Variants in GOLGA5 observed in about 807,000 individuals in gnomAD.
The protein encoded by GOLGA5 is golgin subfamily A member 5.
GOLGA5 carries 50 observed loss-of-function variants against 93.5 expected under a neutral mutation model. That is an observed-to-expected ratio of 0.53 (90% confidence interval 0.43 to 0.68). The LOEUF is 0.68. Among genes scored for constraint, GOLGA5 ranks in the 30% least tolerant of loss-of-function variants. The pLI is 0.00. For missense variants in GOLGA5, 760 were observed against 856.4 expected, an observed-to-expected ratio of 0.89 and a Z score of 1.40; for synonymous variants, 312 against 304.5, an observed-to-expected ratio of 1.02 and a Z score of -0.26.
chr14:92,828,326 G>A (rs1322798629), intron 9 of GOLGA5, among the ~76,000 whole-genome samples: 1 of 152,304 alleles, frequency 6.6e-6, no homozygotes, highest in Admixed American at 6.5e-5. Flanking sequence ...AGACCCTTAA[G>A]AATGATGGTA....
At chr14:92,818,343 T>C (rs1002532544) in intron 7 of GOLGA5, among the ~76,000 whole-genome samples, 1 of 152,224 alleles carries the variant, frequency 6.6e-6, no homozygotes, top group African/African-American at 2.4e-5. Context: ...ACCATAACTC[T>C]GTGAGGGAGA....
At chr14:92,794,613 A>T (rs1322185892) in intron 1 of GOLGA5, among the ~76,000 whole-genome samples, 157 bp downstream of exon 1, 1 of 151,236 alleles carries the variant, frequency 6.6e-6, no homozygotes, top group African/African-American at 2.4e-5. Flanking sequence ...AACTGGAGAG[A>T]CTCCTTGGGC....
At chr14:92,800,141 A>T (rs1242607178) in intron 2 of GOLGA5, among the ~76,000 whole-genome samples, 1 of 152,246 alleles carries the variant, frequency 6.6e-6, no homozygotes, top group African/African-American at 2.4e-5. Flanking sequence ...AATTACACAA[A>T]GAACCTACTA....
intron 7 of GOLGA5, among the ~76,000 whole-genome samples, chr14:92,816,758 C>T (rs1376829736): frequency 2.0e-5 from 3 of 152,228 alleles, no homozygotes; most frequent in Non-Finnish European, 2.9e-5. Flanking sequence ...CAGGGTATCC[C>T]TGTGTTGTCC....
chr14:92,797,563 T>C lies in GOLGA5; in HGVS notation c.126T>C (p.Tyr42=), dbSNP rs143536819. ...ASNIYSKNTD[Y]TELHQQNTDL... is the part of the protein sequence containing the mutation. ...ACATATATAGCAAAAATACTGACTA[T>C]ACTGAACTTCACCAGCAAAATACAG... The change falls in exon 2 of 13, where the codon TAT becomes TAC. Residue 42 remains tyrosine, a synonymous_variant. Coordinates refer to ENST00000163416, the MANE Select transcript of GOLGA5 (RefSeq NM_005113.4). 268 of 1,613,478 alleles carry C rather than the reference T, an allele frequency of 1.7e-4. No individual in the cohort carries two copies. The African/African-American group carries it at 3.1e-3, about 18-fold the overall frequency.
chr14:92,835,869 TATC>T (rs1224661238), intron 11 of GOLGA5, among the ~76,000 whole-genome samples: 1 of 152,210 alleles, frequency 6.6e-6, no homozygotes, highest in Non-Finnish European at 1.5e-5. Context: ...ATATTTGAAA[TATC>T]ATGTCAGAAA....
chr14:92,817,346 T>C (rs1885231770), intron 7 of GOLGA5, among the ~76,000 whole-genome samples: 1 of 152,226 alleles, frequency 6.6e-6, no homozygotes, highest in Non-Finnish European at 1.5e-5. Flanking sequence ...GGTTTGGAAT[T>C]AGAACAGGGT....
intron 7 of GOLGA5, among the ~76,000 whole-genome samples, 183 bp from the exon 8 acceptor site, chr14:92,819,525 G>A (rs1352040058): frequency 1.3e-5 from 2 of 151,668 alleles, no homozygotes; most frequent in South Asian, 2.1e-4. Context: ...CCCGCTACTC[G>A]GGAGGCTGAT....
intron 7 of GOLGA5, among the ~76,000 whole-genome samples, chr14:92,818,705 A>C (rs532897366): frequency 7.2e-5 from 11 of 152,226 alleles, no homozygotes; most frequent in Non-Finnish European, 1.6e-4. Flanking sequence ...GTGAAGTTCC[A>C]AGGTTTGTGG....
chr14:92,825,593 G>C (rs1337289492), intron 9 of GOLGA5, among the ~76,000 whole-genome samples: 1 of 152,198 alleles, frequency 6.6e-6, no homozygotes, highest in Non-Finnish European at 1.5e-5. Context: ...AGGTGAGGTA[G>C]TTCATGCTTG....
chr14:92,802,278 C>T (rs1884889405), intron 2 of GOLGA5, among the ~76,000 whole-genome samples: 1 of 152,042 alleles, frequency 6.6e-6, no homozygotes, highest in Non-Finnish European at 1.5e-5. Context: ...TTTTTTGAAA[C>T]AATTATATGT....
chr14:92,815,664 G>A (rs1423479261), intron 6 of GOLGA5, among the ~76,000 whole-genome samples: 1 of 149,222 alleles, frequency 6.7e-6, no homozygotes. Context: ...TAGCAAGACC[G>A]TATCTCAAAT....
In GOLGA5 at chr14:92,837,376, G is replaced by A. The variant is rs1463297231; in HGVS notation, c.2052-10G>A. Reference sequence around the variant, plus strand: ...TCTCTCCTCTCCCCCTCACACCTGTGTCTGCACAGTATTCGCCTGGGAATT... The same window carrying A: ...TCTCTCCTCTCCCCCTCACACCTGTATCTGCACAGTATTCGCCTGGGAATT... On this transcript the variant is annotated splice_polypyrimidine_tract_variant and intron_variant, in intron 11 of 12. Coordinates refer to ENST00000163416, the MANE Select transcript of GOLGA5 (RefSeq NM_005113.4). 8 of 1,464,468 alleles carry A rather than the reference G, an allele frequency of 5.5e-6. No individual in the cohort carries two copies. Among genetic ancestry groups the A allele is most frequent in the South Asian group, 1.2e-5 (1 of 86,898 alleles). 90.7% of individuals were successfully genotyped at this position (1,464,468 alleles called of 1,614,324 possible).
chr14:92,825,853 C>CT, intron 9 of GOLGA5, among the ~76,000 whole-genome samples: 1 of 53,668 alleles, frequency 1.9e-5, no homozygotes. Context: ...GAGACCCTGT[C>CT]TCAAAAAAAA....
chr14:92,802,552 G>A (rs1292439336), intron 2 of GOLGA5, among the ~76,000 whole-genome samples: 1 of 151,770 alleles, frequency 6.6e-6, no homozygotes, highest in Non-Finnish European at 1.5e-5. Flanking sequence ...GGAATACTTT[G>A]TTTCACTAAG....
At chr14:92,829,936 C>G (rs1885494284) in intron 9 of GOLGA5, among the ~76,000 whole-genome samples, 1 of 152,290 alleles carries the variant, frequency 6.6e-6, no homozygotes, top group South Asian at 2.1e-4. Context: ...TCTGATCAGT[C>G]AGCAGCCATC....
intron 7 of GOLGA5, 134 bp downstream of exon 7, chr14:92,816,555 TCCTCCTCCTCTTC>T: frequency 3.0e-6 from 2 of 667,644 alleles, no homozygotes; most frequent in Non-Finnish European, 2.5e-6. Flanking sequence ...TCTCTTCTCT[TCCTCCTCCTCTTC>T]CTCTTCTCTT....
At chr14:92,815,236 T>C (rs1357412284) in intron 6 of GOLGA5, among the ~76,000 whole-genome samples, 1 of 152,240 alleles carries the variant, frequency 6.6e-6, no homozygotes, top group African/African-American at 2.4e-5. Flanking sequence ...CTTTGCTCTC[T>C]GTTTTTCTCT....
At chr14:92,806,684 G>A (rs1374636300) in intron 2 of GOLGA5, 52 bp from the exon 3 acceptor site, 5 of 1,167,810 alleles carry the variant, frequency 4.3e-6, no homozygotes, top group Non-Finnish European at 6.4e-6. Flanking sequence ...AGTTGTTAAT[G>A]CATATGTGAT....
Sources: gnomAD v4.1 joint callset for allele counts (sites outside exome capture counted in the v4.1 genomes callset) on GRCh38, gnomAD v4.1.1 for gene constraint, MANE v1.5 for transcripts, NCBI Gene and HGNC (gene_info 2026-07-23, HGNC 2026-07-21) for gene names.